NRG1: variants seen among roughly 807,000 people sequenced by gnomAD.
The protein encoded by NRG1 is neuregulin 1.
NRG1 carries 18 observed loss-of-function variants against 63.8 expected under a neutral mutation model. That is an observed-to-expected ratio of 0.28 (90% CI 0.19 to 0.42). The LOEUF is 0.42. Ranked by LOEUF, NRG1 falls within the 10% of genes least tolerant of loss-of-function variation. NRG1 has a pLI of 1.00. For missense variants in NRG1, 762 were observed against 814.7 expected (o/e 0.94, Z 0.79); for synonymous variants, 302 against 301.3 (o/e 1.00, Z -0.02).
At chr8:32,611,192 A>T (rs1317110754) in intron 3 of NRG1, among the ~76,000 whole-genome samples, 1 of 152,124 alleles carries the variant, frequency 6.6e-6, no homozygotes, top group Non-Finnish European at 1.5e-5. Flanking sequence ...AATTATTTGA[A>T]TGAGATTCAA....
chr8:32,246,515 C>T (rs977457567), intron 1 of NRG1, among the ~76,000 whole-genome samples: 1 of 152,156 alleles, frequency 6.6e-6, no homozygotes, highest in Non-Finnish European at 1.5e-5. Context: ...AGAGCTTTGC[C>T]ATGGGGCTCT....
At chr8:31,967,219 T>G (rs1282199619) in intron 1 of NRG1, among the ~76,000 whole-genome samples, 1 of 152,130 alleles carries the variant, frequency 6.6e-6, no homozygotes, top group Non-Finnish European at 1.5e-5. Flanking sequence ...GGACCTCAGT[T>G]GCATGAACTT....
At chr8:32,177,532 C>T (rs1840923496) in intron 1 of NRG1, among the ~76,000 whole-genome samples, 1 of 151,926 alleles carries the variant, frequency 6.6e-6, no homozygotes, top group Non-Finnish European at 1.5e-5. Flanking sequence ...TCCTAATGCT[C>T]TGCCTCCCTT....
At chr8:32,185,152 G>A (rs577591452) in intron 1 of NRG1, among the ~76,000 whole-genome samples, 26 of 152,152 alleles carry the variant, frequency 1.7e-4, no homozygotes, top group African/African-American at 4.3e-4. Context: ...GTGTGCATGC[G>A]TACACACACA....
intron 1 of NRG1, among the ~76,000 whole-genome samples, chr8:32,564,260 A>G (rs1011001922): frequency 2.6e-5 from 4 of 152,234 alleles, no homozygotes; most frequent in African/African-American, 9.6e-5. Flanking sequence ...AAAAGAAGAA[A>G]TATTGAGCAA....
At chr8:31,862,885 C>T (rs887397523) in intron 1 of NRG1, among the ~76,000 whole-genome samples, 2 of 152,160 alleles carry the variant, frequency 1.3e-5, no homozygotes, top group African/African-American at 4.8e-5. Flanking sequence ...GCAGGGAATA[C>T]TCCATGGGCA....
chr8:32,629,026 G>T (rs566162575), intron 5 of NRG1, among the ~76,000 whole-genome samples: 1 of 152,018 alleles, frequency 6.6e-6, no homozygotes, highest in Admixed American at 6.6e-5. Flanking sequence ...GAACCACCAC[G>T]CCCAGCCCCT....
At chr8:32,331,935 C>T (rs996690979) in intron 1 of NRG1, among the ~76,000 whole-genome samples, 4 of 151,788 alleles carry the variant, frequency 2.6e-5, no homozygotes, top group South Asian at 2.1e-4. Flanking sequence ...GGAAGTAAAA[C>T]ATATAAGGCC....
intron 1 of NRG1, among the ~76,000 whole-genome samples, chr8:31,953,107 G>A (rs1447100177): frequency 2.0e-5 from 3 of 151,420 alleles, no homozygotes; most frequent in African/African-American, 7.3e-5. Flanking sequence ...AAGCAAAAAG[G>A]GTTTTTTTTT....
At chr8:31,768,514 T>C (rs1334980978) in intron 1 of NRG1, among the ~76,000 whole-genome samples, 2 of 152,210 alleles carry the variant, frequency 1.3e-5, no homozygotes, top group African/African-American at 2.4e-5. Flanking sequence ...ACTGAAGTTA[T>C]AACTTGTGGA....
intron 1 of NRG1, among the ~76,000 whole-genome samples, chr8:32,115,297 T>G (rs1832568104): frequency 6.6e-6 from 1 of 152,030 alleles, no homozygotes; most frequent in Admixed American, 6.6e-5. Context: ...TCCCCAGCTG[T>G]GTAGATAACT....
At chr8:32,448,924 T>G (rs1246646081) in intron 1 of NRG1, among the ~76,000 whole-genome samples, 1 of 152,096 alleles carries the variant, frequency 6.6e-6, no homozygotes, top group Non-Finnish European at 1.5e-5. Context: ...TTAGGAAGGA[T>G]GTGAGGAGGA....
At chr8:32,716,536 A>G (rs1819267547) in intron 5 of NRG1, among the ~76,000 whole-genome samples, 1 of 152,186 alleles carries the variant, frequency 6.6e-6, no homozygotes, top group South Asian at 2.1e-4. Flanking sequence ...GAAGTGTTTT[A>G]TTAGCCCATA....
chr8:31,815,340 A>G (rs946558992), intron 1 of NRG1, among the ~76,000 whole-genome samples: 1 of 152,180 alleles, frequency 6.6e-6, no homozygotes, highest in African/African-American at 2.4e-5. Flanking sequence ...GGTATCATGC[A>G]GTGGTATCTC....
chr8:31,733,241 C>G (rs1814297446), intron 1 of NRG1, among the ~76,000 whole-genome samples: 1 of 151,368 alleles, frequency 6.6e-6, no homozygotes, highest in Admixed American at 6.6e-5. Flanking sequence ...AGGTTGATTC[C>G]ATATTCTTTG....
rs532291379 is a variant in NRG1 at position 31,643,840 on chromosome 8, C to T, written c.37+4409C>T. Among the ~76,000 whole-genome samples the T allele has an allele frequency of 2.4e-4, 37 of 152,192 alleles. No homozygotes were observed. In the South Asian group the frequency reaches 7.2e-3, roughly 30 times the overall value. ...GTTATATGAGGCAGAAGCTGATTTC[C>T]AAAAAGGAGTACAAACACTGAGGTT... is the stretch of plus-strand genomic sequence containing the variant. On this transcript the variant is annotated intron_variant, in intron 1 of 10. Transcript: ENST00000519301.
chr8:32,313,527 G>A (rs899168643), intron 1 of NRG1, among the ~76,000 whole-genome samples: 2 of 152,256 alleles, frequency 1.3e-5, no homozygotes, highest in Middle Eastern at 3.4e-3. Flanking sequence ...GCCACTAACT[G>A]AAACTCAGTA....
Position 31,927,487 on chromosome 8 carries a change from C to T in NRG1, c.37+288056C>T, listed in dbSNP as rs1458238505. Among the ~76,000 whole-genome samples the T allele has an allele frequency of 2.4e-4, 33 of 136,650 alleles. 1 individual carries two copies. The highest frequency in any genetic ancestry group is 9.0e-4 in the African/African-American group (31 of 34,516). The allele number at this position is 136,650 out of a possible 152,430, so 89.6% of individuals were successfully genotyped here. The stretch of plus-strand genomic sequence containing the variant: ...TTTTTGAGACGGAGTCTCGCTCTGT[C>T]GCCCAGGCTGGAGTGCAGTGGCGGG... On this transcript the variant is annotated intron_variant, in intron 1 of 10. Coordinates refer to the NRG1 transcript ENST00000519301.
At chr8:32,174,300 A>C (rs1440576430) in intron 1 of NRG1, among the ~76,000 whole-genome samples, 1 of 152,188 alleles carries the variant, frequency 6.6e-6, no homozygotes, top group Non-Finnish European at 1.5e-5. Flanking sequence ...ACAAAGACAC[A>C]ACATACCAGA....
Sources: allele counts gnomAD v4.1 joint callset (sites outside exome capture counted in the v4.1 genomes callset), GRCh38; gene constraint gnomAD v4.1.1; transcripts MANE v1.5; gene names NCBI Gene and HGNC (gene_info 2026-07-23, HGNC 2026-07-21).